ADGRG1: variants seen among roughly 807,000 people sequenced by gnomAD.
ADGRG1 encodes adhesion G protein-coupled receptor G1, also known as 7-transmembrane protein with no EGF-like N-terminal domains-1.
Under a neutral mutation model 73.5 loss-of-function variants are expected in ADGRG1, and 53 were observed. The ratio of observed to expected loss-of-function variants is 0.72; its 90% CI spans 0.58 to 0.91. The LOEUF is 0.91. Among genes scored for constraint, ADGRG1 ranks in the 40% least tolerant of loss-of-function variants. The pLI is 0.00. For synonymous variants in ADGRG1, 394 were observed against 374.4 expected, an observed-to-expected ratio of 1.05 and a Z score of -0.60; for missense variants, 795 against 871.8, an observed-to-expected ratio of 0.91 and a Z score of 1.11.
intron 2 of ADGRG1, 89 bp from the exon 3 acceptor site, chr16:57,651,111 T>G (rs776467281): frequency 6.2e-7 from 1 of 1,604,588 alleles, no homozygotes; most frequent in Admixed American, 1.7e-5. Flanking sequence ...GGCTCCAGGT[T>G]CACATGTACT....
upstream of ADGRG1, chr16:57,628,149 G>A (rs1597008182): frequency 1.0e-6 from 1 of 985,206 alleles, no homozygotes; most frequent in Non-Finnish European, 1.2e-6. Flanking sequence ...GCTCCCTCCC[G>A]ACTGCCTTCC....
chr16:57,632,944 A>G, intron 1 of ADGRG1: 1 of 985,390 alleles, frequency 1.0e-6, no homozygotes. Flanking sequence ...CACTTACACC[A>G]ACTGCAAAAC....
chr16:57,663,331 A>C, intron 13 of ADGRG1, 121 bp from the exon 14 acceptor site: 1 of 1,542,358 alleles, frequency 6.5e-7, no homozygotes, highest in Non-Finnish European at 8.7e-7. Flanking sequence ...GCCCGACAGC[A>C]CGTGCTTGGC....
intron 13 of ADGRG1, 102 bp from the exon 14 acceptor site, chr16:57,663,350 T>G: frequency 6.4e-7 from 1 of 1,561,184 alleles, no homozygotes; most frequent in South Asian, 1.2e-5. Context: ...GCAAACACTA[T>G]GGAGAGGTGG....
At chr16:57,639,687 T>C in intron 1 of ADGRG1, 1 of 979,634 alleles carries the variant, frequency 1.0e-6, no homozygotes. Flanking sequence ...TTCTCCCGCC[T>C]CCTCTCCCCT....
upstream of ADGRG1, chr16:57,622,909 C>A (rs565260416): frequency 1.8e-4 from 177 of 985,442 alleles, 1 homozygote; most frequent in African/African-American, 3.0e-3. Flanking sequence ...TCTGCAGTGG[C>A]CCTTTCCCGG....
At position 57,661,928 on chromosome 16, in the gene ADGRG1, C is replaced by T. The variant is rs748659368; in HGVS notation, c.1896C>T (p.Val632=). 46 of 1,614,102 alleles carry T rather than the reference C, an allele frequency of 2.8e-5. No homozygotes were observed. Among genetic ancestry groups the T allele is most frequent in the East Asian group, 4.5e-5 (2 of 44,904 alleles). The change falls in exon 13 of 14, where the codon GTC becomes GTT. Residue 632 remains valine (V), a synonymous_variant. Coordinates refer to ENST00000562631, the MANE Select transcript of ADGRG1 (RefSeq NM_201525.4). The part of the protein sequence containing the change: ...FSFASGTFQL[V]VLYLFSIITS... ...TTGCTTCTGGCACCTTCCAGCTTGT[C>T]GTCCTCTACCTTTTCAGCATCATCA...
At chr16:57,624,789 C>A (rs71387190), upstream of ADGRG1, 2 of 793,194 alleles carry the variant, frequency 2.5e-6, no homozygotes, top group Non-Finnish European at 3.1e-6. Flanking sequence ...CCTACCTCCC[C>A]GGCAGCCTCC....
intron 1 of ADGRG1, chr16:57,647,907 ACT>A: frequency 3.3e-6 from 1 of 306,788 alleles, no homozygotes; most frequent in Non-Finnish European, 4.8e-6. Context: ...CCCCTCCTTT[ACT>A]CTCAAGGGCC....
At chr16:57,662,746 T>G (rs1390029025) in intron 13 of ADGRG1, among the ~76,000 whole-genome samples, 1 of 152,102 alleles carries the variant, frequency 6.6e-6, no homozygotes, top group Non-Finnish European at 1.5e-5. Flanking sequence ...TCTGGCTTGA[T>G]GCCAACAGGG....
chr16:57,628,954 G>T, intron 1 of ADGRG1, 152 bp downstream of exon 1: 1 of 620,118 alleles, frequency 1.6e-6, no homozygotes, highest in Non-Finnish European at 1.9e-6. Flanking sequence ...GAGAGTGTGA[G>T]AGTGTGTGAG....
intron 12 of ADGRG1, 44 bp from the exon 13 acceptor site, chr16:57,661,653 G>A: frequency 6.3e-7 from 1 of 1,588,180 alleles, no homozygotes; most frequent in African/African-American, 1.3e-5. Context: ...AGGAAATGCT[G>A]CCCGTGCTGG....
At chr16:57,637,721 C>T (rs1265405868) in intron 1 of ADGRG1, 1 of 984,280 alleles carries the variant, frequency 1.0e-6, no homozygotes, top group Non-Finnish European at 1.2e-6. Flanking sequence ...TGCCTCCTGG[C>T]TCTGCTCCAC....
chr16:57,637,536 G>A (rs1028405440), intron 1 of ADGRG1: 3 of 985,452 alleles, frequency 3.0e-6, no homozygotes, highest in Non-Finnish European at 3.6e-6. Flanking sequence ...ATGCAACAGA[G>A]GCCGCCTTCT....
intron 1 of ADGRG1, chr16:57,639,810 C>T: frequency 1.1e-6 from 1 of 869,756 alleles, no homozygotes; most frequent in Non-Finnish European, 1.4e-6. Flanking sequence ...ATCCCTTCCC[C>T]TTTATCTTTT....
intron 1 of ADGRG1, chr16:57,637,502 T>A (rs2039661469): frequency 1.0e-6 from 1 of 985,370 alleles, no homozygotes; most frequent in Non-Finnish European, 1.2e-6. Flanking sequence ...CCTTGCCAGC[T>A]CCCTTTAAGC....
intron 1 of ADGRG1, chr16:57,639,789 C>A (rs967387477): frequency 7.7e-5 from 63 of 813,246 alleles, no homozygotes; most frequent in Non-Finnish European, 6.4e-5. Flanking sequence ...CAGCTCGCCT[C>A]CTTCCTCCCC....
chr16:57,624,647 T>C (rs762264175), upstream of ADGRG1: 17 of 786,874 alleles, frequency 2.2e-5, no homozygotes, highest in Non-Finnish European at 2.6e-5. Flanking sequence ...AAAAAGGGGC[T>C]GAAGACCTCC....
intron 1 of ADGRG1, chr16:57,637,151 T>G: frequency 4.9e-6 from 1 of 204,050 alleles, no homozygotes; most frequent in Admixed American, 6.5e-5. Flanking sequence ...GGAGTAGGCT[T>G]GTGGTCACTG....
Sources: allele counts gnomAD v4.1 joint callset (sites outside exome capture counted in the v4.1 genomes callset), GRCh38; gene constraint gnomAD v4.1.1; transcripts MANE v1.5; gene names NCBI Gene and HGNC (gene_info 2026-07-23, HGNC 2026-07-21).